The following EIF4G3 variants were observed in gnomAD, a reference collection of about 807,000 sequenced individuals.
EIF4G3 encodes the protein eukaryotic translation initiation factor 4 gamma 3.
In EIF4G3, 34 loss-of-function variants were observed where a neutral mutation model predicts 186.4. The ratio of observed to expected loss-of-function variants is 0.18; its 90% CI spans 0.14 to 0.24. The LOEUF is 0.24. EIF4G3 is among the 10% of genes least tolerant of loss of function. The pLI, the probability that EIF4G3 is intolerant of heterozygous loss-of-function variation, is 1.00. For missense variants in EIF4G3, 1,536 were observed against 1,948.5 expected (o/e 0.79, Z 3.99); for synonymous variants, 673 against 679.5 (o/e 0.99, Z 0.15).
intron 4 of EIF4G3, among the ~76,000 whole-genome samples, chr1:21,025,341 A>G (rs912997208): frequency 2.0e-5 from 3 of 152,216 alleles, no homozygotes; most frequent in African/African-American, 7.2e-5. Flanking sequence ...TTACAACAAT[A>G]TGAACTCTTA....
chr1:21,027,530 T>C (rs2092293899), intron 4 of EIF4G3, among the ~76,000 whole-genome samples: 1 of 151,746 alleles, frequency 6.6e-6, no homozygotes, highest in African/African-American at 2.4e-5. Context: ...CTTGGGAGGC[T>C]GAGGCAGGAG....
intron 20 of EIF4G3, among the ~76,000 whole-genome samples, chr1:20,867,613 A>G (rs75757090): frequency 6.6e-6 from 1 of 152,168 alleles, no homozygotes; most frequent in African/African-American, 2.4e-5. Flanking sequence ...ACACACAGTA[A>G]GGGCCCAATA....
intron 4 of EIF4G3, among the ~76,000 whole-genome samples, chr1:21,042,326 T>G (rs1206123855): frequency 1.3e-5 from 2 of 152,202 alleles, no homozygotes; most frequent in African/African-American, 4.8e-5. Flanking sequence ...TTTATAATAT[T>G]CATTCTTTAT....
chr1:20,953,298 G>C (rs529367026), intron 12 of EIF4G3, among the ~76,000 whole-genome samples: 1 of 152,132 alleles, frequency 6.6e-6, no homozygotes, highest in South Asian at 2.1e-4. Context: ...TCAAAATCAA[G>C]GTTCTGATTG....
At chr1:20,895,771 A>G (rs1022345175) in intron 16 of EIF4G3, among the ~76,000 whole-genome samples, 1 of 152,236 alleles carries the variant, frequency 6.6e-6, no homozygotes, top group Non-Finnish European at 1.5e-5. Flanking sequence ...AGTATAGCAC[A>G]TACAATCAAG....
intron 32 of EIF4G3, 58 bp from the exon 33 acceptor site, chr1:20,825,256 A>T (rs1014334672): frequency 8.5e-7 from 1 of 1,181,434 alleles, no homozygotes; most frequent in Admixed American, 2.5e-5. Flanking sequence ...AAACAGAAAA[A>T]AAAAAAAAAA....
At chr1:20,998,234 CACACACACACACACAAGTTT>C (rs912361801) in intron 6 of EIF4G3, among the ~76,000 whole-genome samples, 4 of 151,258 alleles carry the variant, frequency 2.6e-5, no homozygotes, top group African/African-American at 9.7e-5. Flanking sequence ...CACACACACA[CACACACACACACACAAGTTT>C]AAGTTTAAAT....
At chr1:21,159,976 G>A (rs1237310889) in intron 2 of EIF4G3, among the ~76,000 whole-genome samples, 1 of 151,980 alleles carries the variant, frequency 6.6e-6, no homozygotes, top group African/African-American at 2.4e-5. Flanking sequence ...CATGATGGCA[G>A]GTGCCTGTAA....
chr1:20,893,468 A>T, intron 18 of EIF4G3, 49 bp downstream of exon 18: 1 of 1,509,270 alleles, frequency 6.6e-7, no homozygotes, highest in East Asian at 2.4e-5. Context: ...GATTTCATGG[A>T]GTCTGTGCCA....
chr1:21,163,833 G>T lies in EIF4G3; in HGVS notation c.-272+12342C>A, dbSNP rs371579979. 4.9e-3 allele frequency among the ~76,000 whole-genome samples: 741 copies of T among 152,200 alleles called. 6 individuals are homozygous for T. Among genetic ancestry groups the T allele is most frequent in the African/African-American group, 0.017 (706 of 41,528 alleles). On this transcript the variant is annotated intron_variant, in intron 2 of 36. Transcript: ENST00000602326. ...GTAGCCCAGGCTGGAGTACAGTGGCGTGATCTCAGCTCACCGTAGCCTCCG... is the reference window on the plus strand; with the variant it reads ...GTAGCCCAGGCTGGAGTACAGTGGCTTGATCTCAGCTCACCGTAGCCTCCG...
chr1:20,899,583 A>G, intron 16 of EIF4G3, 114 bp downstream of exon 16: 2 of 1,316,154 alleles, frequency 1.5e-6, no homozygotes, highest in Non-Finnish European at 2.1e-6. Context: ...TGTAAATATT[A>G]TATTGTGATA....
At chr1:20,966,762 CT>C (rs1447360830) in intron 12 of EIF4G3, among the ~76,000 whole-genome samples, 1 of 152,154 alleles carries the variant, frequency 6.6e-6, no homozygotes, top group Non-Finnish European at 1.5e-5. Context: ...GTGTGAGCCA[CT>C]GCATCCTTTC....
chr1:20,981,000 T>A (rs2154566553), intron 9 of EIF4G3, 48 bp downstream of exon 9: 1 of 1,413,910 alleles, frequency 7.1e-7, no homozygotes, highest in East Asian at 2.4e-5. Flanking sequence ...GAATCCGGGT[T>A]AATTTCCACT....
At chr1:20,913,903 T>C (rs2093567234) in intron 14 of EIF4G3, among the ~76,000 whole-genome samples, 1 of 149,734 alleles carries the variant, frequency 6.7e-6, no homozygotes, top group Non-Finnish European at 1.5e-5. Flanking sequence ...GCCTCCCGGG[T>C]TCACGCCATT....
chr1:21,023,673 C>T (rs2091390506), intron 4 of EIF4G3, among the ~76,000 whole-genome samples: 1 of 151,914 alleles, frequency 6.6e-6, no homozygotes, highest in Non-Finnish European at 1.5e-5. Flanking sequence ...CTCTGCCCAG[C>T]CGCCACCCCG....
intron 4 of EIF4G3, among the ~76,000 whole-genome samples, chr1:21,041,772 C>T (rs1439660994): frequency 1.3e-5 from 2 of 152,088 alleles, no homozygotes; most frequent in African/African-American, 2.4e-5. Flanking sequence ...AACACACACA[C>T]AAGGGAGACA....
chr1:20,913,953 C>T (rs1196469688), intron 14 of EIF4G3, among the ~76,000 whole-genome samples: 1 of 151,874 alleles, frequency 6.6e-6, no homozygotes, highest in East Asian at 1.9e-4. Context: ...ACTACAGGCG[C>T]ATGCCGCCAC....
intron 7 of EIF4G3, among the ~76,000 whole-genome samples, chr1:20,996,169 TTTA>T (rs2082251611): frequency 6.6e-6 from 1 of 152,200 alleles, no homozygotes; most frequent in Non-Finnish European, 1.5e-5. Flanking sequence ...CGCTAATCAT[TTTA>T]TTTTCATTAT....
chr1:21,155,793 A>G (rs2097649112), intron 2 of EIF4G3, among the ~76,000 whole-genome samples: 1 of 152,212 alleles, frequency 6.6e-6, no homozygotes, highest in Non-Finnish European at 1.5e-5. Flanking sequence ...GTAACTCTCC[A>G]AACCAAAGCC....
Sources: allele counts gnomAD v4.1 joint callset (sites outside exome capture counted in the v4.1 genomes callset), GRCh38; gene constraint gnomAD v4.1.1; transcripts MANE v1.5; gene names NCBI Gene and HGNC (gene_info 2026-07-23, HGNC 2026-07-21).